Variants in CHRM5 observed in about 807,000 individuals in gnomAD.
CHRM5 encodes the protein cholinergic receptor muscarinic 5.
Under a neutral mutation model 39.0 loss-of-function variants are expected in CHRM5, and 18 were observed. That is an observed-to-expected ratio of 0.46 (90% CI 0.32 to 0.68). CHRM5 has a LOEUF of 0.68. Among genes scored for constraint, CHRM5 ranks in the 30% least tolerant of loss-of-function variants. The pLI is 0.04. For missense variants in CHRM5, 515 were observed against 651.1 expected (o/e 0.79, Z 2.28); for synonymous variants, 241 against 246.3 (o/e 0.98, Z 0.20).
intron 1 of CHRM5, among the ~76,000 whole-genome samples, chr15:34,032,404 T>G (rs560835272): frequency 1.3e-5 from 2 of 152,214 alleles, no homozygotes; most frequent in East Asian, 1.9e-4. Flanking sequence ...CACATGCCAG[T>G]GGTATCGATT....
At chr15:33,982,941 T>TC (rs56928120) in intron 1 of CHRM5, among the ~76,000 whole-genome samples, 39,883 of 151,536 alleles carry the variant, frequency 0.26, 7,287 homozygotes, top group African/African-American at 0.5. Flanking sequence ...GGGACATGCC[T>TC]CCTTCCTACC....
chr15:34,060,999 G>C (rs1008771664), intron 2 of CHRM5, among the ~76,000 whole-genome samples: 84 of 150,186 alleles, frequency 5.6e-4, no homozygotes, highest in African/African-American at 2.0e-3. Context: ...TTGGGCAACA[G>C]AGCGAGACTC....
At chr15:34,007,615 C>T (rs1897413311) in intron 1 of CHRM5, among the ~76,000 whole-genome samples, 1 of 152,184 alleles carries the variant, frequency 6.6e-6, no homozygotes, top group Non-Finnish European at 1.5e-5. Flanking sequence ...CTACACAATT[C>T]CAAAGCCACT....
chr15:34,027,475 G>C (rs538431863), intron 1 of CHRM5, among the ~76,000 whole-genome samples: 16 of 150,586 alleles, frequency 1.1e-4, no homozygotes, highest in African/African-American at 3.6e-4. Context: ...GTTGCAGTGA[G>C]CTGAGATTGC....
intron 1 of CHRM5, chr15:34,002,987 A>G (rs769079620): frequency 4.7e-6 from 7 of 1,485,790 alleles, no homozygotes; most frequent in Non-Finnish European, 6.4e-6. Context: ...ATGTCTGTGC[A>G]ACTTTCAGAG....
Position 33,969,157 on chromosome 15 carries a change from T to C in CHRM5, c.-408+7T>C, listed in dbSNP as rs1895520309. The C allele has an allele frequency of 6.6e-6, 1 of 152,110 alleles. No homozygotes were observed. The highest frequency in any genetic ancestry group is 6.5e-5 in the Admixed American group (1 of 15,268). 9.4% of individuals were successfully genotyped at this position (152,110 alleles called of 1,614,324 possible). A position where few individuals can be genotyped will look rare whatever the true frequency, so the allele number is the denominator to read the frequency against. ...TCAAACAAACCACTGCCAGGTAAGA[T>C]TTAATTTTATAACCTTAATTTATAT... On this transcript the variant is annotated splice_region_variant and intron_variant, in intron 1 of 2. Coordinates refer to ENST00000383263, the MANE Select transcript of CHRM5 (RefSeq NM_012125.4).
rs778087279 is a variant in CHRM5 at position 34,062,774 on chromosome 15, C to T, written c.57C>T (p.His19=). 27 of 1,613,962 alleles carry T rather than the reference C, an allele frequency of 1.7e-5. No homozygotes were observed. Among genetic ancestry groups the T allele is most frequent in the Non-Finnish European group, 2.3e-5 (27 of 1,179,998 alleles). The change falls in exon 3 of 3, where the codon CAC becomes CAT. Residue 19 remains histidine, a synonymous_variant. Coordinates refer to ENST00000383263, the MANE Select transcript of CHRM5 (RefSeq NM_012125.4). The part of the protein sequence containing the change: ...ATTVNGTPVN[H]QPLERHRLWE... ...CCGTCAATGGCACCCCAGTAAATCA[C>T]CAGCCTTTGGAACGCCACAGGTTGT... is the stretch of plus-strand genomic sequence containing the variant.
chr15:34,007,791 G>T (rs1348019692), intron 1 of CHRM5, among the ~76,000 whole-genome samples: 2 of 152,184 alleles, frequency 1.3e-5, no homozygotes, highest in Admixed American at 6.5e-5. Context: ...GGTATTGGTA[G>T]GGTTGGCTCT....
chr15:34,049,865 C>A (rs2140823777), intron 2 of CHRM5, among the ~76,000 whole-genome samples: 1 of 150,134 alleles, frequency 6.7e-6, no homozygotes, highest in South Asian at 2.1e-4. Context: ...CCAGAAGAGA[C>A]TGGGGCCAAT....
intron 1 of CHRM5, among the ~76,000 whole-genome samples, chr15:33,989,145 C>T (rs568662630): frequency 7.0e-6 from 1 of 141,946 alleles, no homozygotes; most frequent in East Asian, 2.0e-4. Flanking sequence ...AAATCCCACA[C>T]AAACACACAC....
intron 2 of CHRM5, among the ~76,000 whole-genome samples, chr15:34,060,634 G>T (rs1457109268): frequency 6.6e-6 from 1 of 152,210 alleles, no homozygotes; most frequent in East Asian, 1.9e-4. Context: ...CCAGAACTTT[G>T]GGAAGCTGAG....
chr15:34,021,212 G>A (rs982378335), intron 1 of CHRM5, among the ~76,000 whole-genome samples: 7 of 151,666 alleles, frequency 4.6e-5, no homozygotes, highest in Admixed American at 2.0e-4. Context: ...TGGAGATGGA[G>A]TTTTGCTCTG....
intron 2 of CHRM5, among the ~76,000 whole-genome samples, chr15:34,053,319 A>AAAAAATAT (rs775436850): frequency 2.6e-4 from 11 of 42,062 alleles, no homozygotes; most frequent in African/African-American, 5.6e-4. Context: ...AAAAAAAAAA[A>AAAAAATAT]ATATATATAT....
At chr15:33,973,605 G>A (rs917518529) in intron 1 of CHRM5, among the ~76,000 whole-genome samples, 3 of 152,116 alleles carry the variant, frequency 2.0e-5, no homozygotes, top group African/African-American at 7.2e-5. Context: ...ACTCTGGGAG[G>A]CCAAAGCTGG....
At chr15:34,048,199 C>T (rs895120695) in intron 2 of CHRM5, among the ~76,000 whole-genome samples, 11 of 152,358 alleles carry the variant, frequency 7.2e-5, no homozygotes, top group South Asian at 2.1e-4. Context: ...AAGCAGGACC[C>T]GGATCCATTC....
chr15:34,027,968 A>G (rs1898573864), intron 1 of CHRM5, among the ~76,000 whole-genome samples: 1 of 152,156 alleles, frequency 6.6e-6, no homozygotes, highest in South Asian at 2.1e-4. Flanking sequence ...CGCAGAAAAG[A>G]TCTGAGAAGG....
chr15:34,007,909 C>A (rs564863418), intron 1 of CHRM5, among the ~76,000 whole-genome samples: 2 of 152,284 alleles, frequency 1.3e-5, no homozygotes, highest in African/African-American at 2.4e-5. Flanking sequence ...GCATTTTCTC[C>A]TCTATGGGTG....
chr15:34,016,119 A>C (rs1897897745), intron 1 of CHRM5, among the ~76,000 whole-genome samples: 1 of 152,244 alleles, frequency 6.6e-6, no homozygotes, highest in East Asian at 1.9e-4. Context: ...TCTACTAAAA[A>C]TACAAAATTA....
At chr15:34,021,716 A>C (rs570744050) in intron 1 of CHRM5, among the ~76,000 whole-genome samples, 3 of 151,826 alleles carry the variant, frequency 2.0e-5, no homozygotes, top group Non-Finnish European at 4.4e-5. Flanking sequence ...TTAACTGGAC[A>C]TGGTGGCAGG....
Sources: allele counts gnomAD v4.1 joint callset (sites outside exome capture counted in the v4.1 genomes callset), GRCh38; gene constraint gnomAD v4.1.1; transcripts MANE v1.5; gene names NCBI Gene and HGNC (gene_info 2026-07-23, HGNC 2026-07-21).